The following ATR variants were observed in gnomAD, a reference collection of about 807,000 sequenced individuals.
ATR encodes serine/threonine-protein kinase ATR.
Under a neutral mutation model 305.3 loss-of-function variants are expected in ATR, and 142 were observed. The observed-to-expected ratio is 0.47, with a 90% CI of 0.41 to 0.53. The LOEUF is 0.53. Among genes scored for constraint, ATR ranks in the 20% least tolerant of loss-of-function variants. ATR has a pLI of 0.00. For synonymous variants in ATR, 1,050 were observed against 1,068.1 expected, an observed-to-expected ratio of 0.98 and a Z score of 0.33; for missense variants, 2,135 against 3,133.1, an observed-to-expected ratio of 0.68 and a Z score of 7.60.
At chr3:142,520,818 G>A (rs1211740219) in intron 23 of ATR, among the ~76,000 whole-genome samples, 1 of 152,180 alleles carries the variant, frequency 6.6e-6, no homozygotes, top group African/African-American at 2.4e-5. Context: ...AGGTGAAGAA[G>A]CAACTATTGA....
chr3:142,543,285 A>G (rs1360731999), intron 16 of ATR, among the ~76,000 whole-genome samples: 1 of 152,156 alleles, frequency 6.6e-6, no homozygotes, highest in East Asian at 1.9e-4. Flanking sequence ...TGCAGACTAG[A>G]TATCATCATC....
In ATR at chr3:142,465,256, T is replaced by C; in HGVS notation, c.6898-16A>G. On this transcript the variant is annotated splice_polypyrimidine_tract_variant and intron_variant, in intron 40 of 46. Coordinates refer to ENST00000350721, the MANE Select transcript of ATR (RefSeq NM_001184.4). ...GAATTTCCACCTAAAAGATGATGAG[T>C]TATATATGAATTAGGGCCAAAAATT... The C allele has an allele frequency of 6.2e-7, 1 of 1,606,206 alleles. No individual in the cohort carries two copies.
chr3:142,513,087 TGAA>T, intron 26 of ATR, among the ~76,000 whole-genome samples: 1 of 152,090 alleles, frequency 6.6e-6, no homozygotes, highest in East Asian at 1.9e-4. Context: ...TCAGAGTAAT[TGAA>T]GACTAAATAT....
At chr3:142,450,626 G>C (rs760760478) in intron 46 of ATR, 3 of 1,607,568 alleles carry the variant, frequency 1.9e-6, no homozygotes, top group East Asian at 2.2e-5. Flanking sequence ...GGATATGGAA[G>C]AGTATACAAG....
In ATR at chr3:142,553,788, G is replaced by A. The variant is rs567880060; in HGVS notation, c.2532+37C>T. The A allele has an allele frequency of 6.8e-6, 11 of 1,609,812 alleles. No homozygotes were observed. The African/African-American group carries it at 1.3e-4, about 20-fold the overall frequency. ...TTAAAGAAATTTTTAGAGCTAGGTTGACGTAAACTCAAATGTTAAAAACAA... is the reference window on the plus strand; with the variant it reads ...TTAAAGAAATTTTTAGAGCTAGGTTAACGTAAACTCAAATGTTAAAAACAA... On this transcript the variant is annotated intron_variant, in intron 11 of 46. Coordinates refer to ENST00000350721, the MANE Select transcript of ATR (RefSeq NM_001184.4).
At chr3:142,481,074 G>A (rs889051879) in intron 36 of ATR, among the ~76,000 whole-genome samples, 8 of 152,124 alleles carry the variant, frequency 5.3e-5, no homozygotes, top group East Asian at 3.9e-4. Flanking sequence ...GCTCATGCTC[G>A]GTGCGCTGCA....
intron 10 of ATR, 34 bp downstream of exon 10, chr3:142,555,843 G>A: frequency 1.3e-6 from 2 of 1,582,992 alleles, no homozygotes; most frequent in Non-Finnish European, 1.7e-6. Context: ...GCTTAAATAG[G>A]TTTTAAAGTA....
At chr3:142,529,572 A>G (rs1194484141) in intron 21 of ATR, among the ~76,000 whole-genome samples, 1 of 152,148 alleles carries the variant, frequency 6.6e-6, no homozygotes, top group Non-Finnish European at 1.5e-5. Context: ...CTCTTGACTT[A>G]ATGAAGCTCA....
intron 21 of ATR, among the ~76,000 whole-genome samples, chr3:142,528,263 G>A (rs1401726006): frequency 6.6e-6 from 1 of 152,024 alleles, no homozygotes; most frequent in African/African-American, 2.4e-5. Flanking sequence ...GATCTTCTAC[G>A]TATTTATCTA....
In ATR at chr3:142,457,752, C is replaced by T. The variant is rs1041481511; in HGVS notation, c.7507G>A (p.Glu2503Lys). 6.8e-6 allele frequency: 11 copies of T among 1,613,460 alleles called. No homozygotes were observed. The highest frequency in any genetic ancestry group is 1.3e-5 in the African/African-American group (1 of 74,900). The part of the protein sequence containing the change: ...VDFNCLFNKG[E>K]TFEVPEIVPF... ...ACAATTTCTGGAACTTCAAAGGTTT[C>T]TCCCTTAGAAACAATACATTTTATT... The change falls in exon 45 of 47, where the codon GAA (glutamate) becomes AAA (lysine). Residue 2503 changes from glutamate (E) to lysine (K), a missense_variant. Around this residue, in one of 9 missense-constraint regions of ATR, gnomAD observed 462 missense variants for 887.6 expected, o/e 0.52. Coordinates refer to ENST00000350721, the MANE Select transcript of ATR (RefSeq NM_001184.4).
intron 46 of ATR, chr3:142,450,432 A>T: frequency 6.3e-7 from 1 of 1,596,504 alleles, no homozygotes; most frequent in Non-Finnish European, 8.6e-7. Context: ...AGTTTAGCTC[A>T]TTGAGACTAC....
intron 35 of ATR, among the ~76,000 whole-genome samples, chr3:142,487,087 G>A (rs868706416): frequency 1.3e-5 from 2 of 151,888 alleles, no homozygotes; most frequent in Non-Finnish European, 1.5e-5. Flanking sequence ...AGCCAAGATC[G>A]CGCAACTGCA....
chr3:142,565,786 G>C (rs371182068), intron 3 of ATR, among the ~76,000 whole-genome samples: 1 of 132,750 alleles, frequency 7.5e-6, no homozygotes, highest in Non-Finnish European at 1.6e-5. Context: ...CCAAAACTTT[G>C]TTCACAAAAA....
chr3:142,486,242 G>A (rs1345756004), intron 35 of ATR, among the ~76,000 whole-genome samples: 2 of 152,076 alleles, frequency 1.3e-5, no homozygotes, highest in African/African-American at 2.4e-5. Flanking sequence ...GAAACCTTAA[G>A]TGAGATCTTG....
intron 35 of ATR, among the ~76,000 whole-genome samples, chr3:142,491,392 G>C (rs1051751264): frequency 5.3e-5 from 8 of 152,170 alleles, no homozygotes; most frequent in African/African-American, 1.7e-4. Flanking sequence ...AGAAGAAACA[G>C]AACCTGAAAA....
intron 30 of ATR, 90 bp downstream of exon 30, chr3:142,503,272 C>T: frequency 2.2e-6 from 2 of 897,808 alleles, no homozygotes; most frequent in South Asian, 3.0e-5. Flanking sequence ...ACATTTATTA[C>T]TCTACTAAAC....
At chr3:142,500,243 A>T (rs945062877) in intron 30 of ATR, 2 of 153,986 alleles carry the variant, frequency 1.3e-5, no homozygotes, top group African/African-American at 4.8e-5. Context: ...TGTCAATGGC[A>T]TAACAAAGTA....
chr3:142,563,184 G>T, intron 3 of ATR, 75 bp from the exon 4 acceptor site: 1 of 1,395,852 alleles, frequency 7.2e-7, no homozygotes, highest in Non-Finnish European at 9.8e-7. Flanking sequence ...AATCCTTGAC[G>T]ATTGACTTTT....
At position 142,515,382 on chromosome 3, in the gene ATR, C is replaced by T. The variant is rs905993101; in HGVS notation, c.4503+13G>A. The stretch of plus-strand genomic sequence containing the variant: ...ATTTCCATTCAGTTAACAAACTGAA[C>T]AGGGTTTCTTACCTTTGTAATAAGA... On this transcript the variant is annotated intron_variant, in intron 25 of 46. Coordinates refer to ENST00000350721, the MANE Select transcript of ATR (RefSeq NM_001184.4). 1.2e-6 allele frequency: 2 copies of T among 1,613,566 alleles called. No individual in the cohort carries two copies. The highest frequency in any genetic ancestry group is 2.7e-5 in the African/African-American group (2 of 74,876).
Sources: allele counts gnomAD v4.1 joint callset (sites outside exome capture counted in the v4.1 genomes callset), GRCh38; gene constraint gnomAD v4.1.1; regional missense constraint gnomAD v4.1.1; transcripts MANE v1.5; gene names NCBI Gene and HGNC (gene_info 2026-07-23, HGNC 2026-07-21).